Variants in STC2 observed in about 807,000 individuals in gnomAD.
STC2 encodes stanniocalcin 2.
A neutral mutation model predicts 22.7 loss-of-function variants in STC2; 7 were observed. The ratio of observed to expected loss-of-function variants is 0.31; its 90% CI spans 0.18 to 0.58. STC2 has a LOEUF of 0.58. STC2 is among the 20% of genes least tolerant of loss of function. STC2 has a pLI of 0.89. For missense variants in STC2, 336 were observed against 406.2 expected (o/e 0.83, Z 1.48); for synonymous variants, 158 against 163.4 (o/e 0.97, Z 0.25).
At position 173,328,136 on chromosome 5, in the gene STC2, CA is replaced by C; in HGVS notation, c.57del (p.Phe19LeufsTer68). On this transcript the variant is annotated frameshift_variant, in exon 1 of 4. Coordinates refer to ENST00000265087, the MANE Select transcript of STC2 (RefSeq NM_003714.3). LOFTEE classifies it high-confidence loss of function. Reference sequence around the variant, plus strand: ...GTGGCGTCGGTCCCCCGCGCCGGGTCAAAGGTGGCCAACACCAAAGCCAGGG... The same window carrying C: ...GTGGCGTCGGTCCCCCGCGCCGGGTCAAGGTGGCCAACACCAAAGCCAGGG... ...FMTLALVLAT[F>X]DPARGTDATN... The C allele has an allele frequency of 6.3e-7, 1 of 1,599,900 alleles. No individual in the cohort carries two copies. The highest frequency in any genetic ancestry group is 2.3e-5 in the East Asian group (1 of 43,600).
At chr5:173,324,140 C>T (rs1334786060) in intron 2 of STC2, 2 of 152,652 alleles carry the variant, frequency 1.3e-5, no homozygotes, top group Non-Finnish European at 2.9e-5. Context: ...CGGCCCCTCC[C>T]CCACGCTCCC....
chr5:173,325,721 A>T lies in STC2; in HGVS notation c.294+147T>A. ...GAGTGCAGAAGGGAGACACTGGCAT[A>T]ATGTTTTATACCTAGACTGTCGCTT... On this transcript the variant is annotated intron_variant, in intron 2 of 3. Coordinates refer to ENST00000265087, the MANE Select transcript of STC2 (RefSeq NM_003714.3). The surrounding 1 kb of genome is among the most constrained non-coding windows in gnomAD (Gnocchi z 4.7). 2 of 1,095,030 alleles carry T rather than the reference A, an allele frequency of 1.8e-6. No individual in the cohort carries two copies. Among genetic ancestry groups the T allele is most frequent in the Non-Finnish European group, 2.7e-6 (2 of 748,638 alleles). The allele number at this position is 1,095,030 out of a possible 1,614,324, so 67.8% of individuals were successfully genotyped here.
chr5:173,317,911 T>G lies in STC2; in HGVS notation c.845A>C (p.Gln282Pro). The G allele has an allele frequency of 6.2e-7, 1 of 1,611,844 alleles. No homozygotes were observed. Among genetic ancestry groups the G allele is most frequent in the Non-Finnish European group, 8.5e-7 (1 of 1,178,536 alleles). ...CCACTCGCTGCTTCCGGAAGGTCCC[T>G]GAGCCCCAAGGCCCCCGACTCTGCC... ...ARGRVGGLGA[Q>P]GPSGSSEWED... is the part of the protein sequence containing the mutation. Residue 282 changes from glutamine to proline, a missense_variant, in exon 4 of 4, where the codon CAG (glutamine) becomes CCG (proline). Gln to Pro is a moderately conservative substitution (Grantham distance 76). Around this residue, in one of 3 missense-constraint regions of STC2, gnomAD observed 215 missense variants for 231.5 expected, o/e 0.93. Coordinates refer to ENST00000265087, the MANE Select transcript of STC2 (RefSeq NM_003714.3).
At chr5:173,319,509 C>G (rs1242101940) in intron 3 of STC2, among the ~76,000 whole-genome samples, 1 of 152,222 alleles carries the variant, frequency 6.6e-6, no homozygotes, top group African/African-American at 2.4e-5. Context: ...ATTTGTCCTC[C>G]CTAAGTCTGG....
intron 3 of STC2, among the ~76,000 whole-genome samples, chr5:173,319,613 G>A (rs755903773): frequency 3.3e-5 from 5 of 152,380 alleles, no homozygotes; most frequent in Non-Finnish European, 7.3e-5. Flanking sequence ...GTTTTGAGAT[G>A]TGTGAAGTAG....
At chr5:173,321,120 G>C (rs1430916850) in intron 3 of STC2, among the ~76,000 whole-genome samples, 1 of 151,976 alleles carries the variant, frequency 6.6e-6, no homozygotes, top group Non-Finnish European at 1.5e-5. Context: ...CTGGGGTGGG[G>C]GGTCATAGGC....
At chr5:173,319,504 TC>T (rs1466014569) in intron 3 of STC2, among the ~76,000 whole-genome samples, 2 of 152,234 alleles carry the variant, frequency 1.3e-5, no homozygotes, top group African/African-American at 4.8e-5. Context: ...ATCTGATTTG[TC>T]CTCCCTAAGT....
At chr5:173,324,175 A>T (rs1581140053) in intron 2 of STC2, 1 of 152,702 alleles carries the variant, frequency 6.5e-6, no homozygotes, top group East Asian at 1.9e-4. Flanking sequence ...GAAGGCAGCC[A>T]GGCATACATC....
rs749203556 is a variant in STC2, at chr5:173,318,060, G to T, written c.696C>A (p.Thr232=). 3.5e-5 allele frequency: 57 copies of T among 1,609,556 alleles called. No homozygotes were observed. The highest frequency in any genetic ancestry group is 4.4e-5 in the Non-Finnish European group (52 of 1,178,012). Residue 232 remains threonine, a synonymous_variant, in exon 4 of 4, where the codon ACC becomes ACA. Transcript: ENST00000265087. The part of the protein sequence containing the change: ...PPERQPQVDR[T]KLSRAHHGEA... ...CCCCGTGGTGGGCCCTGGAGAGCTTGGTTCTGTCCACCTGGGGCTGGCGCT... is the reference window on the plus strand; with the variant it reads ...CCCCGTGGTGGGCCCTGGAGAGCTTTGTTCTGTCCACCTGGGGCTGGCGCT...
intron 3 of STC2, among the ~76,000 whole-genome samples, chr5:173,318,486 C>T (rs1202265399): frequency 2.0e-5 from 3 of 152,144 alleles, no homozygotes; most frequent in Non-Finnish European, 2.9e-5. Context: ...GTCCCAGGCT[C>T]ACAGGTGCAT....
chr5:173,323,368 G>A lies in STC2; in HGVS notation c.357C>T (p.Gly119=). 1 of 1,614,198 alleles carries A rather than the reference G, an allele frequency of 6.2e-7. No individual in the cohort carries two copies. The change falls in exon 3 of 4, where the codon GGC becomes GGT. Residue 119 remains glycine (G), a synonymous_variant. Transcript: ENST00000265087. The surrounding 1 kb of genome is among the most constrained non-coding windows in gnomAD (Gnocchi z 5.4). Reference sequence around the variant, plus strand: ...TGGCCGGGCACTTCCGGCTTATGCAGCCGAACCTGTGCCGCAGAGCGTGGG... The same window carrying A: ...TGGCCGGGCACTTCCGGCTTATGCAACCGAACCTGTGCCGCAGAGCGTGGG... ...CKAHALRHRF[G]CISRKCPAIR... is the part of the protein sequence containing the mutation.
rs1171654016 is a variant in STC2 at position 173,316,392 on chromosome 5, C to T, written c.*1455G>A. 6.6e-6 allele frequency: 1 copy of T among 151,902 alleles called. No individual in the cohort carries two copies. The highest frequency in any genetic ancestry group is 1.5e-5 in the Non-Finnish European group (1 of 68,004). The allele number at this position is 151,902 out of a possible 1,614,324, so 9.4% of individuals were successfully genotyped here. On this transcript the variant is annotated 3_prime_UTR_variant, in exon 4 of 4. Coordinates refer to ENST00000265087, the MANE Select transcript of STC2 (RefSeq NM_003714.3). ...AAGAGCCCAGCCCAGAATACCCGGC[C>T]ACTCCCTACAATACCAGCTCCTGCT...
At position 173,314,778 on chromosome 5, in the gene STC2, T is replaced by C. The variant is rs1762400492; in HGVS notation, c.*3069A>G. On this transcript the variant is annotated 3_prime_UTR_variant, in exon 4 of 4. Transcript: ENST00000265087. This position sits in a 1 kb window ranked among gnomAD's most constrained non-coding sequence, Gnocchi z 4.6. ...GAAGAAAAATAATGCAATGTGACAA[T>C]GTACAGGTCCTGTTGCCTAAATCCG... The C allele has an allele frequency of 1.3e-5, 2 of 152,206 alleles. No individual in the cohort carries two copies. The highest frequency in any genetic ancestry group is 1.3e-4 in the Admixed American group (2 of 15,280). 9.4% of individuals were successfully genotyped at this position (152,206 alleles called of 1,614,324 possible).
rs1357334211 is a variant in STC2, at chr5:173,325,371, A to G, written c.294+497T>C. Among the ~76,000 whole-genome samples the G allele has an allele frequency of 6.6e-6, 1 of 152,210 alleles. No individual in the cohort carries two copies. Among genetic ancestry groups the G allele is most frequent in the African/African-American group, 2.4e-5 (1 of 41,426 alleles). On this transcript the variant is annotated intron_variant, in intron 2 of 3. Transcript: ENST00000265087. This position sits in a 1 kb window ranked among gnomAD's most constrained non-coding sequence, Gnocchi z 4.7. ...GGAAAGTGTGGAACTGAAGGACTCA[A>G]TCAGGGTTTCGACCGGTCAGCTTGG... is the stretch of plus-strand genomic sequence containing the variant.
At chr5:173,327,445 C>A (rs1164633312) in intron 1 of STC2, among the ~76,000 whole-genome samples, 1 of 152,246 alleles carries the variant, frequency 6.6e-6, no homozygotes, top group Admixed American at 6.5e-5. Context: ...GCTGACCTGG[C>A]CAGGAGCTGG....
intron 3 of STC2, among the ~76,000 whole-genome samples, chr5:173,320,047 A>G (rs1239647607): frequency 6.6e-6 from 1 of 152,192 alleles, no homozygotes; most frequent in Non-Finnish European, 1.5e-5. Context: ...GCTCAAGTTC[A>G]CCGAGTGTGT....
At chr5:173,319,905 G>A (rs574917587) in intron 3 of STC2, among the ~76,000 whole-genome samples, 3 of 152,352 alleles carry the variant, frequency 2.0e-5, no homozygotes, top group East Asian at 3.9e-4. Flanking sequence ...CCCTGACAGC[G>A]CAAGACAACC....
chr5:173,327,669 T>C (rs1281040407), intron 1 of STC2, among the ~76,000 whole-genome samples: 1 of 152,222 alleles, frequency 6.6e-6, no homozygotes, highest in Non-Finnish European at 1.5e-5. Flanking sequence ...GCAGCCCAGC[T>C]CCGGGGACCC....
rs1455500866 is a variant in STC2, at chr5:173,323,920, C to T, written c.295-490G>A. 13 of 177,168 alleles carry T rather than the reference C, an allele frequency of 7.3e-5. No individual in the cohort carries two copies. In the East Asian group the frequency reaches 1.0e-3, roughly 14 times the overall value. 11.0% of individuals were successfully genotyped at this position (177,168 alleles called of 1,614,324 possible). On this transcript the variant is annotated intron_variant, in intron 2 of 3. Transcript: ENST00000265087. This position sits in a 1 kb window ranked among gnomAD's most constrained non-coding sequence, Gnocchi z 5.4. ...TTTCCCTTGATTCCAGGGGCGACAC[C>T]GAGATTGATTGCTGATTGTACCTCC...
Sources: gnomAD v4.1 joint callset for allele counts (sites outside exome capture counted in the v4.1 genomes callset) on GRCh38, gnomAD v4.1.1 for gene constraint, gnomAD v4.1.1 regional missense constraint, Gnocchi (gnomAD v3.1) non-coding constraint, MANE v1.5 for transcripts, NCBI Gene and HGNC (gene_info 2026-07-23, HGNC 2026-07-21) for gene names.